Variants in BUB1B observed in about 807,000 individuals in gnomAD.
The protein encoded by BUB1B is BUB1 mitotic checkpoint serine/threonine kinase B.
A neutral mutation model predicts 137.7 loss-of-function variants in BUB1B; 86 were observed. That is an observed-to-expected ratio of 0.62 (90% CI 0.52 to 0.75). BUB1B has a LOEUF of 0.75. Ranked by LOEUF, BUB1B falls within the 30% of genes least tolerant of loss-of-function variation. The pLI, the probability that BUB1B is intolerant of heterozygous loss-of-function variation, is 0.00. For missense variants in BUB1B, 1,130 were observed against 1,236.9 expected, an observed-to-expected ratio of 0.91 and a Z score of 1.30; for synonymous variants, 420 against 417.9, an observed-to-expected ratio of 1.00 and a Z score of -0.06.
chr15:40,187,723 A>G (rs1447641096), intron 8 of BUB1B, among the ~76,000 whole-genome samples: 1 of 152,032 alleles, frequency 6.6e-6, no homozygotes, highest in Non-Finnish European at 1.5e-5. Context: ...AGCCTGGGCA[A>G]CACAGGGAGA....
intron 9 of BUB1B, among the ~76,000 whole-genome samples, chr15:40,197,565 T>C (rs2037513528): frequency 6.6e-6 from 1 of 152,210 alleles, no homozygotes; most frequent in South Asian, 2.1e-4. Context: ...GTTTCTTTTA[T>C]ACATCCGTAT....
intron 10 of BUB1B, 106 bp downstream of exon 10, chr15:40,199,833 T>G (rs529020203): frequency 6.6e-6 from 6 of 904,354 alleles, no homozygotes; most frequent in African/African-American, 3.3e-5. Flanking sequence ...TTAGAGTTTC[T>G]GGTAGTTTCT....
intron 8 of BUB1B, 142 bp downstream of exon 8, chr15:40,185,784 G>T: frequency 1.2e-6 from 1 of 812,674 alleles, no homozygotes; most frequent in Non-Finnish European, 2.1e-6. Flanking sequence ...TGTAATCCCA[G>T]CACAGGCTGA....
chr15:40,208,091 G>T (rs1016233312), intron 15 of BUB1B, among the ~76,000 whole-genome samples: 4 of 150,712 alleles, frequency 2.7e-5, no homozygotes, highest in Non-Finnish European at 4.4e-5. Context: ...CTGCCCTCCA[G>T]CCTGGGTGAC....
intron 20 of BUB1B, among the ~76,000 whole-genome samples, chr15:40,215,088 T>C (rs2037759319): frequency 6.6e-6 from 1 of 152,138 alleles, no homozygotes; most frequent in African/African-American, 2.4e-5. Flanking sequence ...TCTAGGAAAG[T>C]CCATAGTATT....
intron 5 of BUB1B, among the ~76,000 whole-genome samples, chr15:40,180,270 T>TTTTTTTTTTTTTTTTTC (rs1426083959): frequency 1.4e-5 from 2 of 144,088 alleles, no homozygotes; most frequent in African/African-American, 5.1e-5. Flanking sequence ...TTTTTTTTTT[T>TTTTTTTTTTTTTTTTTC]TGAGATGGAG....
intron 5 of BUB1B, 71 bp from the exon 6 acceptor site, chr15:40,183,643 A>G: frequency 6.8e-7 from 1 of 1,476,162 alleles, no homozygotes; most frequent in Non-Finnish European, 9.5e-7. Context: ...GTTTACTTTA[A>G]CAAATTGGAA....
chr15:40,196,860 T>G (rs1161088387), intron 9 of BUB1B, 86 bp downstream of exon 9: 1 of 1,206,842 alleles, frequency 8.3e-7, no homozygotes, highest in Non-Finnish European at 1.2e-6. Flanking sequence ...AAAACTAACC[T>G]TATAGTTTGT....
Position 40,161,248 on chromosome 15 carries a change from G to A in BUB1B, c.28G>A (p.Ala10Thr). The change falls in exon 1 of 23, where the codon GCT (alanine) becomes ACT (threonine). Residue 10 changes from alanine (A) to threonine (T), a missense_variant. Ala to Thr is a moderately conservative substitution (Grantham distance 58). Transcript: ENST00000287598. MAAVKKEGG[A>T]LSEAMSLEGD... ...GGCGGCGGTGAAGAAGGAAGGGGGTGCTCTGAGGTAGGTACGGGAGAAAGC... is the reference window on the plus strand; with the variant it reads ...GGCGGCGGTGAAGAAGGAAGGGGGTACTCTGAGGTAGGTACGGGAGAAAGC... 6.2e-7 allele frequency: 1 copy of A among 1,612,920 alleles called. No homozygotes were observed. Among genetic ancestry groups the A allele is most frequent in the Non-Finnish European group, 8.5e-7 (1 of 1,179,430 alleles).
Position 40,196,665 on chromosome 15 carries a change from A to G in BUB1B, c.1179A>G (p.Lys393=). 1 of 1,614,108 alleles carries G rather than the reference A, an allele frequency of 6.2e-7. No individual in the cohort carries two copies. Among genetic ancestry groups the G allele is most frequent in the Non-Finnish European group, 8.5e-7 (1 of 1,179,960 alleles). ...QSHQQASEEK[K]EKMMYCKEKI... ...ATCAGCAAGCGTCTGAGGAGAAGAA[A>G]GAGAAGATGATGTATTGTAAGGAGA... Residue 393 remains lysine (K), a synonymous_variant, in exon 9 of 23, where the codon AAA becomes AAG. Coordinates refer to ENST00000287598, the MANE Select transcript of BUB1B (RefSeq NM_001211.6).
At position 40,220,682 on chromosome 15, in the gene BUB1B, A is replaced by G. The variant is rs771709698; in HGVS notation, c.3076A>G (p.Thr1026Ala). 5 of 1,614,242 alleles carry G rather than the reference A, an allele frequency of 3.1e-6. No homozygotes were observed. Among genetic ancestry groups the G allele is most frequent in the Non-Finnish European group, 4.2e-6 (5 of 1,180,042 alleles). The part of the protein sequence containing the change: ...AAEMNGVFDT[T>A]FQSHLNKALW... The stretch of plus-strand genomic sequence containing the variant: ...AGAAATGAATGGGGTTTTTGACACT[A>G]CATTCCAAAGTCACCTGAACAAAGC... The change falls in exon 23 of 23, where the codon ACA (threonine) becomes GCA (alanine). Residue 1026 changes from threonine to alanine, a missense_variant. By Grantham distance (58) the Thr-to-Ala change is moderately conservative (BLOSUM62 0). Coordinates refer to ENST00000287598, the MANE Select transcript of BUB1B (RefSeq NM_001211.6).
intron 2 of BUB1B, among the ~76,000 whole-genome samples, chr15:40,168,270 G>T (rs907339151): frequency 3.9e-5 from 6 of 152,130 alleles, no homozygotes; most frequent in African/African-American, 1.2e-4. Flanking sequence ...GGGAGGCTGA[G>T]GTAGGAGAAT....
chr15:40,163,606 G>A (rs2037062850), intron 1 of BUB1B, among the ~76,000 whole-genome samples: 1 of 152,138 alleles, frequency 6.6e-6, no homozygotes, highest in African/African-American at 2.4e-5. Context: ...TATGACTGCA[G>A]TCATTCACTG....
At chr15:40,162,429 C>T (rs1379994183) in intron 1 of BUB1B, among the ~76,000 whole-genome samples, 1 of 152,146 alleles carries the variant, frequency 6.6e-6, no homozygotes, top group Non-Finnish European at 1.5e-5. Flanking sequence ...TAAATGGGGT[C>T]ACTTTGGCTG....
rs893767898 is a variant in BUB1B, at chr15:40,169,609, C to CTTT, written c.180-433_180-431dup. Among the ~76,000 whole-genome samples, 389 of 96,880 alleles carry CTTT rather than the reference C, an allele frequency of 4.0e-3. 3 individuals carry two copies. Among genetic ancestry groups the CTTT allele is most frequent in the African/African-American group, 4.9e-3 (131 of 26,536 alleles). 63.6% of individuals were successfully genotyped at this position (96,880 alleles called of 152,430 possible). ...AAGTAGAATCTTAATTATTTCTATT[C>CTTT]TTTTTTTTTTTTTTTTTTTTTTGAG... On this transcript the variant is annotated intron_variant, in intron 2 of 22. Coordinates refer to ENST00000287598, the MANE Select transcript of BUB1B (RefSeq NM_001211.6).
At chr15:40,186,601 C>T (rs541344237) in intron 8 of BUB1B, among the ~76,000 whole-genome samples, 15 of 151,540 alleles carry the variant, frequency 9.9e-5, no homozygotes, top group African/African-American at 2.7e-4. Context: ...TCTGCCACCA[C>T]GCCCAGCTAA....
chr15:40,217,696 T>C (rs1217472649), intron 21 of BUB1B, 29 bp downstream of exon 21: 2 of 1,612,972 alleles, frequency 1.2e-6, no homozygotes, highest in Non-Finnish European at 1.7e-6. Context: ...TGAGCAAATA[T>C]GGAGAGGGTT....
At chr15:40,198,443 A>G (rs2037525423) in intron 9 of BUB1B, among the ~76,000 whole-genome samples, 1 of 152,182 alleles carries the variant, frequency 6.6e-6, no homozygotes, top group South Asian at 2.1e-4. Context: ...CCATCTGTGT[A>G]TAAGTTTGTA....
rs752900027 is a variant in BUB1B at position 40,165,004 on chromosome 15, A to G, written c.36-49A>G. The G allele has an allele frequency of 3.1e-6, 5 of 1,611,344 alleles. 1 individual carries two copies. In the South Asian group the frequency reaches 3.3e-5, roughly 11 times the overall value. ...AAGACATTTACAATAATCTAGTGCT[A>G]TAATAGTCAATGTTGGTATGAGATT... On this transcript the variant is annotated intron_variant, in intron 1 of 22. Coordinates refer to ENST00000287598, the MANE Select transcript of BUB1B (RefSeq NM_001211.6).
Sources: allele counts gnomAD v4.1 joint callset (sites outside exome capture counted in the v4.1 genomes callset), GRCh38; gene constraint gnomAD v4.1.1; transcripts MANE v1.5; gene names NCBI Gene and HGNC (gene_info 2026-07-23, HGNC 2026-07-21).